The following ANXA4 variants were observed in gnomAD, a reference collection of about 807,000 sequenced individuals.
ANXA4 encodes 35-beta calcimedin.
Under a neutral mutation model 49.8 loss-of-function variants are expected in ANXA4, and 39 were observed. That is an observed-to-expected ratio of 0.78 (90% CI 0.61 to 1.02). ANXA4 has a LOEUF of 1.02. Among genes scored for constraint, ANXA4 ranks in the 50% least tolerant of loss-of-function variants. ANXA4 has a pLI of 0.00. For missense variants in ANXA4, 360 were observed against 410.1 expected (o/e 0.88, Z 1.05); for synonymous variants, 134 against 152.5 (o/e 0.88, Z 0.89).
intron 2 of ANXA4, among the ~76,000 whole-genome samples, chr2:69,697,871 A>T (rs1462398640): frequency 6.6e-6 from 1 of 151,932 alleles, no homozygotes; most frequent in Non-Finnish European, 1.5e-5. Flanking sequence ...GGGACTGGGC[A>T]AAGTGGTTCA....
intron 2 of ANXA4, among the ~76,000 whole-genome samples, chr2:69,707,828 C>T (rs753462639): frequency 3.9e-5 from 6 of 152,138 alleles, no homozygotes; most frequent in Non-Finnish European, 7.4e-5. Context: ...AGGTCTTATT[C>T]GTTCTATTTT....
chr2:69,746,880 C>T (rs1332786453), intron 1 of ANXA4, among the ~76,000 whole-genome samples: 2 of 151,728 alleles, frequency 1.3e-5, no homozygotes, highest in Non-Finnish European at 2.9e-5. Flanking sequence ...CTCCTGTAGT[C>T]CAAGCTATAT....
chr2:69,722,331 C>A (rs1317215097), intron 3 of ANXA4, among the ~76,000 whole-genome samples: 1 of 152,192 alleles, frequency 6.6e-6, no homozygotes, highest in Non-Finnish European at 1.5e-5. Flanking sequence ...GTGTTCACGG[C>A]AGCGTTATTC....
chr2:69,787,001 T>C lies in ANXA4; in HGVS notation c.10-1053T>C, dbSNP rs112496616. ...CAGCCTCCCAAAGTGCTGGGATTACTGGGGTGAGCCACCACATCCGGCCTG... is the reference window on the plus strand; with the variant it reads ...CAGCCTCCCAAAGTGCTGGGATTACCGGGGTGAGCCACCACATCCGGCCTG... On this transcript the variant is annotated intron_variant, in intron 2 of 12. Transcript: ENST00000394295. 5.4e-3 allele frequency among the ~76,000 whole-genome samples: 826 copies of C among 152,278 alleles called. 9 individuals carry two copies. Among genetic ancestry groups the C allele is most frequent in the African/African-American group, 0.019 (795 of 41,558 alleles).
At chr2:69,789,423 C>T (rs1004822245) in intron 3 of ANXA4, among the ~76,000 whole-genome samples, 1 of 152,070 alleles carries the variant, frequency 6.6e-6, no homozygotes, top group Non-Finnish European at 1.5e-5. Context: ...ACAGCACCGA[C>T]ATGCAATGTG....
rs1019292639 is a variant in ANXA4 at position 69,761,972 on chromosome 2, G to A, written c.-46-19548G>A. 3.9e-5 allele frequency among the ~76,000 whole-genome samples: 6 copies of A among 152,038 alleles called. No homozygotes were observed. The East Asian group carries it at 1.2e-3, about 29-fold the overall frequency. On this transcript the variant is annotated intron_variant, in intron 1 of 12. Coordinates refer to ENST00000394295, the MANE Select transcript of ANXA4 (RefSeq NM_001153.5). ...TGGCACCAACTAGATTAGTGATTAC[G>A]TGTAATACTAGAAAAGATGCCACAT...
intron 1 of ANXA4, among the ~76,000 whole-genome samples, chr2:69,647,363 A>T (rs140038591): frequency 4.2e-4 from 63 of 150,218 alleles, no homozygotes; most frequent in Non-Finnish European, 7.4e-4. Context: ...AAATATATAT[A>T]TATTGTTTTA....
Position 69,810,692 on chromosome 2 carries a change from TG to T in ANXA4, c.477+25del, listed in dbSNP as rs767116245. On this transcript the variant is annotated intron_variant, in intron 7 of 12. Coordinates refer to ENST00000394295, the MANE Select transcript of ANXA4 (RefSeq NM_001153.5). ...GTCAGCTGTGAGTGACTGCTTCTGA[TG>T]GGGGGCGGGTTTTATCGAAATGTCC... The T allele has an allele frequency of 9.3e-6, 15 of 1,606,212 alleles. No homozygotes were observed. The East Asian group carries it at 1.3e-4, about 14-fold the overall frequency.
At chr2:69,765,004 G>A (rs1671442501) in intron 1 of ANXA4, among the ~76,000 whole-genome samples, 1 of 152,144 alleles carries the variant, frequency 6.6e-6, no homozygotes, top group Non-Finnish European at 1.5e-5. Context: ...GTTATAGCAT[G>A]TGGCAGAATT....
chr2:69,733,227 A>C, intron 3 of ANXA4, among the ~76,000 whole-genome samples: 1 of 152,350 alleles, frequency 6.6e-6, no homozygotes, highest in East Asian at 1.9e-4. Flanking sequence ...GGAAAATAAA[A>C]CATGAAGAAT....
intron 2 of ANXA4, among the ~76,000 whole-genome samples, chr2:69,689,273 A>G (rs1677887040): frequency 6.6e-6 from 1 of 151,786 alleles, no homozygotes; most frequent in Non-Finnish European, 1.5e-5. Context: ...ATTTTTATAG[A>G]GAGAGGGTCT....
At position 69,718,641 on chromosome 2, in the gene ANXA4, T is replaced by G. The variant is rs72901472; in HGVS notation, n.767-2133T>G. Among the ~76,000 whole-genome samples the G allele has an allele frequency of 5.0e-3, 761 of 152,314 alleles. 9 individuals are homozygous for G. Among genetic ancestry groups the G allele is most frequent in the African/African-American group, 0.017 (699 of 41,588 alleles). ...GGGTTTCCTTCTCTCCCACCAGCCC[T>G]ATCCACAGCACACACATGCATACAC... is the stretch of plus-strand genomic sequence containing the variant. On this transcript the variant is annotated intron_variant and non_coding_transcript_variant, in intron 2 of 3. Transcript: ENST00000418066.
At chr2:69,694,431 A>G (rs916304600) in intron 2 of ANXA4, among the ~76,000 whole-genome samples, 1 of 150,834 alleles carries the variant, frequency 6.6e-6, no homozygotes, top group South Asian at 2.1e-4. Flanking sequence ...TTTGTTACAT[A>G]TGTATACCTG....
At chr2:69,731,583 G>A (rs1437109561) in intron 3 of ANXA4, among the ~76,000 whole-genome samples, 2 of 151,894 alleles carry the variant, frequency 1.3e-5, no homozygotes, top group Non-Finnish European at 2.9e-5. Flanking sequence ...TGATGGCTTG[G>A]TTTGATGACG....
intron 1 of ANXA4, among the ~76,000 whole-genome samples, chr2:69,650,413 G>A (rs1676188873): frequency 6.6e-6 from 1 of 152,026 alleles, no homozygotes; most frequent in Admixed American, 6.6e-5. Flanking sequence ...ACTTTAGAAA[G>A]TTTATTACAA....
chr2:69,783,178 C>T (rs1294758674), intron 2 of ANXA4, among the ~76,000 whole-genome samples: 1 of 151,912 alleles, frequency 6.6e-6, no homozygotes, highest in Admixed American at 6.6e-5. Flanking sequence ...ATTATTTACT[C>T]TAGTGGTTAT....
chr2:69,686,296 T>C (rs1168165008), intron 2 of ANXA4, among the ~76,000 whole-genome samples: 4 of 151,868 alleles, frequency 2.6e-5, no homozygotes, highest in African/African-American at 9.6e-5. Flanking sequence ...GCAATTCTCC[T>C]ACCTCAGCCT....
At chr2:69,672,451 T>TG (rs1167576659) in intron 2 of ANXA4, among the ~76,000 whole-genome samples, 1 of 152,100 alleles carries the variant, frequency 6.6e-6, no homozygotes, top group African/African-American at 2.4e-5. Flanking sequence ...AGGCTGGTCT[T>TG]GAACTCCTGA....
At position 69,659,428 on chromosome 2, in the gene ANXA4, CTTAT is replaced by C. The variant is rs570290602; in HGVS notation, n.766+6153_766+6156del. On this transcript the variant is annotated intron_variant and non_coding_transcript_variant, in intron 2 of 3. Transcript: ENST00000418066. ...ATGATTAAAGGCATTGTATGCTTCTCTTATTTATTTGTTTATTATCTCTTCTTTT... is the reference window on the plus strand; with the variant it reads ...ATGATTAAAGGCATTGTATGCTTCTCTTATTTGTTTATTATCTCTTCTTTT... Among the ~76,000 whole-genome samples the C allele has an allele frequency of 2.7e-3, 412 of 152,268 alleles. 3 individuals are homozygous for C. Among genetic ancestry groups the C allele is most frequent in the Non-Finnish European group, 4.2e-3 (288 of 68,008 alleles).
Sources: allele counts gnomAD v4.1 joint callset (sites outside exome capture counted in the v4.1 genomes callset), GRCh38; gene constraint gnomAD v4.1.1; transcripts MANE v1.5; gene names NCBI Gene and HGNC (gene_info 2026-07-23, HGNC 2026-07-21).